TMEM87B: variants seen among roughly 807,000 people sequenced by gnomAD.
The protein encoded by TMEM87B is transmembrane protein 87B.
A neutral mutation model predicts 80.3 loss-of-function variants in TMEM87B; 83 were observed. That is an observed-to-expected ratio of 1.03 (90% CI 0.87 to 1.24). The LOEUF is 1.24. Ranked by LOEUF, TMEM87B falls within the 50% of genes most tolerant of loss-of-function variation. The pLI is 0.00. For synonymous variants in TMEM87B, 219 were observed against 230.5 expected, an observed-to-expected ratio of 0.95 and a Z score of 0.45; for missense variants, 625 against 674.4, an observed-to-expected ratio of 0.93 and a Z score of 0.81.
At chr2:112,092,117 TA>T (rs1679319986) in intron 11 of TMEM87B, among the ~76,000 whole-genome samples, 2 of 152,128 alleles carry the variant, frequency 1.3e-5, no homozygotes, top group South Asian at 4.1e-4. Flanking sequence ...GTTGCCATCT[TA>T]GAGAGGTGCT....
At chr2:112,073,730 G>C (rs903616700) in intron 4 of TMEM87B, among the ~76,000 whole-genome samples, 7 of 152,172 alleles carry the variant, frequency 4.6e-5, no homozygotes, top group African/African-American at 1.4e-4. Flanking sequence ...GGGAGTCTAA[G>C]TCTCTTTAAA....
At chr2:112,074,448 C>A (rs1678749508) in intron 4 of TMEM87B, among the ~76,000 whole-genome samples, 1 of 152,166 alleles carries the variant, frequency 6.6e-6, no homozygotes, top group African/African-American at 2.4e-5. Context: ...ATCTGATGGG[C>A]TTTCCTTTGT....
At chr2:112,115,843 C>G (rs895883197) in intron 18 of TMEM87B, among the ~76,000 whole-genome samples, 2 of 152,014 alleles carry the variant, frequency 1.3e-5, no homozygotes, top group Admixed American at 6.6e-5. Flanking sequence ...TCTATGTTGC[C>G]CAGGCCGGTC....
intron 15 of TMEM87B, among the ~76,000 whole-genome samples, chr2:112,101,212 G>A (rs774117127): frequency 2.6e-5 from 4 of 152,090 alleles, no homozygotes; most frequent in African/African-American, 4.8e-5. Context: ...GATGTTGAGG[G>A]TAATTTTATC....
chr2:112,078,380 GA>G (rs1217923734), intron 6 of TMEM87B, among the ~76,000 whole-genome samples: 6 of 152,176 alleles, frequency 3.9e-5, no homozygotes, highest in Non-Finnish European at 8.8e-5. Flanking sequence ...TCACATGGCA[GA>G]AAGGATAGAA....
In TMEM87B at chr2:112,074,899, C is replaced by A. The variant is rs377748642; in HGVS notation, c.451-13C>A. ...CAGCAGTATAAAATGGCATTATTTA[C>A]TCTTTTTTCCAGAATAAAGAACTAA... is the stretch of plus-strand genomic sequence containing the variant. On this transcript the variant is annotated splice_polypyrimidine_tract_variant and intron_variant, in intron 4 of 18. Transcript: ENST00000283206. The A allele has an allele frequency of 3.7e-5, 57 of 1,560,796 alleles. 1 individual carries two copies. In the African/African-American group the frequency reaches 6.5e-4, roughly 18 times the overall value.
intron 4 of TMEM87B, among the ~76,000 whole-genome samples, chr2:112,069,918 G>A (rs1231492381): frequency 4.6e-5 from 7 of 152,160 alleles, no homozygotes; most frequent in African/African-American, 1.7e-4. Flanking sequence ...TCTCTCTGAT[G>A]ATCAGTGATA....
chr2:112,060,077 A>G lies in TMEM87B; in HGVS notation c.226+40A>G, dbSNP rs774894621. ...ACAATAAAATACTAGACTGGGCGCA[A>G]TGGCTCACGCCTGTAATCCCGGCAC... On this transcript the variant is annotated intron_variant, in intron 2 of 18. Coordinates refer to ENST00000283206, the MANE Select transcript of TMEM87B (RefSeq NM_032824.3). The G allele has an allele frequency of 5.4e-6, 8 of 1,475,406 alleles. No homozygotes were observed. The East Asian group carries it at 7.7e-5, about 14-fold the overall frequency. 91.4% of individuals were successfully genotyped at this position (1,475,406 alleles called of 1,614,324 possible). A position where few individuals can be genotyped will look rare whatever the true frequency, so the allele number is the denominator to read the frequency against.
chr2:112,070,523 C>T (rs372225425), intron 4 of TMEM87B, among the ~76,000 whole-genome samples: 2 of 152,202 alleles, frequency 1.3e-5, no homozygotes, highest in African/African-American at 4.8e-5. Flanking sequence ...TATTCTGTTC[C>T]ACTGGTCTAT....
chr2:112,107,550 A>G (rs1266436324), intron 16 of TMEM87B, among the ~76,000 whole-genome samples: 2 of 152,306 alleles, frequency 1.3e-5, no homozygotes, highest in Non-Finnish European at 1.5e-5. Context: ...AAAAAAAATA[A>G]TATTTCATAC....
intron 17 of TMEM87B, among the ~76,000 whole-genome samples, chr2:112,110,111 T>C (rs1679873938): frequency 6.6e-6 from 1 of 152,188 alleles, no homozygotes. Flanking sequence ...TCAGTGTTTT[T>C]TGTGGAAGGG....
At chr2:112,065,298 T>C (rs1445685236) in intron 3 of TMEM87B, among the ~76,000 whole-genome samples, 1 of 152,198 alleles carries the variant, frequency 6.6e-6, no homozygotes, top group African/African-American at 2.4e-5. Flanking sequence ...TTTCACAGTA[T>C]AATTATAGAA....
At position 112,089,711 on chromosome 2, in the gene TMEM87B, T is replaced by G. The variant is rs1176044388; in HGVS notation, c.1025T>G (p.Val342Gly). 4 of 1,613,952 alleles carry G rather than the reference T, an allele frequency of 2.5e-6. No homozygotes were observed. The highest frequency in any genetic ancestry group is 3.4e-6 in the Non-Finnish European group (4 of 1,179,896). The change falls in exon 10 of 19, where the codon GTC becomes GGC. Residue 342 changes from valine (V) to glycine (G), a missense_variant. Transcript: ENST00000283206. ...GCAGCTGTTGAAGGCGTGATGAGAGTCATTGGGGTAAAAACTACATTATTC... is the reference window on the plus strand; with the variant it reads ...GCAGCTGTTGAAGGCGTGATGAGAGGCATTGGGGTAAAAACTACATTATTC... ...IFAAVEGVMR[V>G]IGGSNHLAVV...
intron 4 of TMEM87B, among the ~76,000 whole-genome samples, chr2:112,067,625 A>G (rs748517452): frequency 6.6e-4 from 100 of 152,114 alleles, no homozygotes; most frequent in Non-Finnish European, 1.1e-3. Flanking sequence ...TACTGATACC[A>G]TTGTTCCATT....
intron 4 of TMEM87B, among the ~76,000 whole-genome samples, chr2:112,068,252 C>G (rs374307747): frequency 4.6e-5 from 7 of 152,092 alleles, no homozygotes; most frequent in African/African-American, 1.7e-4. Context: ...ACCTAGCAGT[C>G]AGCCTTGGTT....
chr2:112,059,873 T>C (rs1678191282), intron 1 of TMEM87B, 104 bp from the exon 2 acceptor site: 1 of 1,374,086 alleles, frequency 7.3e-7, no homozygotes, highest in African/African-American at 1.5e-5. Context: ...AATACTCTTG[T>C]CAGAGAGAGG....
intron 11 of TMEM87B, among the ~76,000 whole-genome samples, chr2:112,094,585 G>A (rs369919541): frequency 6.6e-6 from 1 of 152,138 alleles, no homozygotes; most frequent in Non-Finnish European, 1.5e-5. Flanking sequence ...TTGAGTGGGG[G>A]TAATTTATTA....
chr2:112,095,165 CTTTTTTTT>C (rs749222333), intron 11 of TMEM87B: 1 of 540,866 alleles, frequency 1.8e-6, no homozygotes. Context: ...TTCTTTCTTT[CTTTTTTTT>C]TTTTTTTTTT....
At chr2:112,064,799 T>A (rs941512058) in intron 3 of TMEM87B, among the ~76,000 whole-genome samples, 5 of 152,228 alleles carry the variant, frequency 3.3e-5, no homozygotes, top group Non-Finnish European at 5.9e-5. Flanking sequence ...CTCTTGATGA[T>A]TCTCGTGATA....
Sources: gnomAD v4.1 joint callset for allele counts (sites outside exome capture counted in the v4.1 genomes callset) on GRCh38, gnomAD v4.1.1 for gene constraint, MANE v1.5 for transcripts, NCBI Gene and HGNC (gene_info 2026-07-23, HGNC 2026-07-21) for gene names.